PABPC4L: variants seen among roughly 807,000 people sequenced by gnomAD.
The protein encoded by PABPC4L is polyadenylate-binding protein 4-like.
For synonymous variants in PABPC4L, 169 were observed against 164.1 expected (o/e 1.03, Z -0.23); for missense variants, 452 against 451.4 (o/e 1.00, Z -0.01).
chr4:134,147,096 C>G, the PABPC4L span, among the ~76,000 whole-genome samples: 5 of 152,110 alleles, frequency 3.3e-5, no homozygotes, highest in Non-Finnish European at 2.9e-5. Flanking sequence ...AAATAATACA[C>G]TTTCTTTCCA....
At chr4:134,131,908 C>T in the PABPC4L span, among the ~76,000 whole-genome samples, 3 of 151,734 alleles carry the variant, frequency 2.0e-5, no homozygotes, top group African/African-American at 7.3e-5. Context: ...CAGAAATAAA[C>T]TCAAATACCT....
the PABPC4L span, among the ~76,000 whole-genome samples, chr4:133,997,696 G>A: frequency 4.6e-5 from 7 of 152,132 alleles, no homozygotes; most frequent in African/African-American, 1.7e-4. Flanking sequence ...CTCATGGAAT[G>A]ACTTTGAGGA....
At chr4:134,140,842 C>T in the PABPC4L span, among the ~76,000 whole-genome samples, 3 of 151,472 alleles carry the variant, frequency 2.0e-5, no homozygotes, top group African/African-American at 4.8e-5. Context: ...GATATGTGAC[C>T]ATTGATTGTT....
At chr4:134,083,292 T>C in the PABPC4L span, among the ~76,000 whole-genome samples, 1 of 152,092 alleles carries the variant, frequency 6.6e-6, no homozygotes, top group Non-Finnish European at 1.5e-5. Flanking sequence ...AACCTATATG[T>C]CTCCTTATAA....
chr4:134,022,319 G>A, the PABPC4L span, among the ~76,000 whole-genome samples: 9 of 152,068 alleles, frequency 5.9e-5, no homozygotes, highest in South Asian at 4.1e-4. Flanking sequence ...TAAATTAGCC[G>A]CATTCAGTTT....
At chr4:133,953,403 A>G in the PABPC4L span, among the ~76,000 whole-genome samples, 1 of 152,114 alleles carries the variant, frequency 6.6e-6, no homozygotes, top group African/African-American at 2.4e-5. Flanking sequence ...GTAATTCCTC[A>G]ATTGGTTTCT....
At chr4:133,972,742 T>A in the PABPC4L span, among the ~76,000 whole-genome samples, 2 of 152,186 alleles carry the variant, frequency 1.3e-5, no homozygotes, top group Non-Finnish European at 2.9e-5. Context: ...AAAATCCATC[T>A]GCTGCCTATG....
chr4:134,015,594 A>G, the PABPC4L span, among the ~76,000 whole-genome samples: 1 of 151,986 alleles, frequency 6.6e-6, no homozygotes, highest in Non-Finnish European at 1.5e-5. Context: ...TCTGTTACCT[A>G]TCTCGGCATA....
chr4:134,069,704 CT>C, the PABPC4L span, among the ~76,000 whole-genome samples: 1 of 152,150 alleles, frequency 6.6e-6, no homozygotes, highest in African/African-American at 2.4e-5. Flanking sequence ...ACCATTTCAT[CT>C]TTCGTATCCT....
At chr4:134,177,188 T>A in the PABPC4L span, among the ~76,000 whole-genome samples, 6 of 140,598 alleles carry the variant, frequency 4.3e-5, no homozygotes, top group Admixed American at 1.4e-4. Context: ...TTTCTTTTCT[T>A]TTTTTTTTTT....
the PABPC4L span, among the ~76,000 whole-genome samples, chr4:134,068,614 GATCT>G: frequency 6.6e-6 from 1 of 152,060 alleles, no homozygotes; most frequent in Non-Finnish European, 1.5e-5. Flanking sequence ...CAGTGTCAGT[GATCT>G]ATGTACCTCA....
the PABPC4L span, among the ~76,000 whole-genome samples, chr4:134,135,337 T>C: frequency 6.6e-5 from 10 of 152,256 alleles, no homozygotes; most frequent in South Asian, 1.9e-3. Context: ...AATACTCAAA[T>C]TGTCCTTTGC....
the PABPC4L span, among the ~76,000 whole-genome samples, chr4:134,183,902 C>G: frequency 1.3e-5 from 2 of 151,286 alleles, no homozygotes; most frequent in Non-Finnish European, 3.0e-5. Context: ...AATAAAATCC[C>G]TAAAAGATTG....
At chr4:134,031,297 T>C in the PABPC4L span, among the ~76,000 whole-genome samples, 1 of 152,038 alleles carries the variant, frequency 6.6e-6, no homozygotes, top group African/African-American at 2.4e-5. Context: ...TATTTGTTTT[T>C]GTTTTTTTAG....
At chr4:134,102,903 A>G in the PABPC4L span, among the ~76,000 whole-genome samples, 1 of 151,504 alleles carries the variant, frequency 6.6e-6, no homozygotes, top group African/African-American at 2.4e-5. Context: ...TAATCCATCT[A>G]TTTCTATATA....
the PABPC4L span, among the ~76,000 whole-genome samples, chr4:134,117,553 C>A: frequency 2.0e-5 from 3 of 151,644 alleles, no homozygotes; most frequent in African/African-American, 7.3e-5. Context: ...ACCATAGAAA[C>A]CGTGACAGTT....
chr4:134,122,957 C>T, the PABPC4L span, among the ~76,000 whole-genome samples: 1 of 151,766 alleles, frequency 6.6e-6, no homozygotes, highest in Non-Finnish European at 1.5e-5. Flanking sequence ...AGTGCTTTTG[C>T]AATTAGGAAT....
the PABPC4L span, among the ~76,000 whole-genome samples, chr4:134,027,676 A>G: frequency 6.6e-6 from 1 of 152,090 alleles, no homozygotes; most frequent in Non-Finnish European, 1.5e-5. Context: ...TGGTGACTAT[A>G]CTCAAATATT....
rs1400446672 is a variant in PABPC4L at position 134,197,195 on chromosome 4, G to A, written c.*2712C>T. Reference sequence around the variant, plus strand: ...ACTTACCTAGTATAAGAATCTATGTGAAACTCATATGCCAACTCTAATTCA... The same window carrying A: ...ACTTACCTAGTATAAGAATCTATGTAAAACTCATATGCCAACTCTAATTCA... On this transcript the variant is annotated 3_prime_UTR_variant, in exon 2 of 2. Coordinates refer to ENST00000421491, the MANE Select transcript of PABPC4L (RefSeq NM_001114734.2). 6.6e-6 allele frequency: 1 copy of A among 151,714 alleles called. No individual in the cohort carries two copies. The highest frequency in any genetic ancestry group is 1.9e-4 in the East Asian group (1 of 5,180). 9.4% of individuals were successfully genotyped at this position (151,714 alleles called of 1,614,324 possible). A position where few individuals can be genotyped will look rare whatever the true frequency, so the allele number is the denominator to read the frequency against.
Sources: gnomAD v4.1 joint callset for allele counts (sites outside exome capture counted in the v4.1 genomes callset) on GRCh38, gnomAD v4.1.1 for gene constraint, MANE v1.5 for transcripts, NCBI Gene and HGNC (gene_info 2026-07-23, HGNC 2026-07-21) for gene names.